Variants in MAST4 observed in about 807,000 individuals in gnomAD.
MAST4 encodes microtubule associated serine/threonine kinase family member 4.
In MAST4, 89 loss-of-function variants were observed where a neutral mutation model predicts 162.7. That is an observed-to-expected ratio of 0.55 (90% CI 0.46 to 0.65). The LOEUF (loss-of-function observed/expected upper bound fraction) is 0.65. Ranked by LOEUF, MAST4 falls within the 30% of genes least tolerant of loss-of-function variation. The probability of loss-of-function intolerance (pLI) is 0.00; values close to 1 mark genes in which losing one functional copy is unlikely to be tolerated. For missense variants in MAST4, 3,153 were observed against 3,374.0 expected, an observed-to-expected ratio of 0.93 and a Z score of 1.62; for synonymous variants, 1,479 against 1,361.1, an observed-to-expected ratio of 1.09 and a Z score of -1.91.
At chr5:66,727,355 G>A (rs1031686816) in intron 1 of MAST4, among the ~76,000 whole-genome samples, 10 of 152,094 alleles carry the variant, frequency 6.6e-5, no homozygotes, top group Non-Finnish European at 1.0e-4. Context: ...TCTGCAAAAT[G>A]ACTCTGCATT....
intron 1 of MAST4, among the ~76,000 whole-genome samples, chr5:66,696,132 A>T (rs1311608652): frequency 6.6e-6 from 1 of 152,148 alleles, no homozygotes; most frequent in Non-Finnish European, 1.5e-5. Flanking sequence ...GTTCTCACTT[A>T]TAAGTGGGAG....
At chr5:66,621,685 C>T (rs933668422) in intron 1 of MAST4, among the ~76,000 whole-genome samples, 2 of 152,160 alleles carry the variant, frequency 1.3e-5, no homozygotes, top group Admixed American at 6.5e-5. Context: ...CCTCCGTCTA[C>T]CCAACAAATA....
intron 1 of MAST4, among the ~76,000 whole-genome samples, chr5:66,707,548 T>A (rs975985888): frequency 6.6e-6 from 1 of 152,204 alleles, no homozygotes; most frequent in Non-Finnish European, 1.5e-5. Context: ...CAGTTTGTGG[T>A]TGGCTCTCTT....
rs80130521 is a variant in MAST4, at chr5:66,774,003, C to T, written c.517+14141C>T. ...GCATGTATTAAGTGACATACATGGA[C>T]ATTTATGTGTTTACATGTATGCATG... On this transcript the variant is annotated intron_variant, in intron 2 of 28. Transcript: ENST00000403625. 4.5e-3 allele frequency among the ~76,000 whole-genome samples: 688 copies of T among 152,304 alleles called. 6 individuals carry two copies. The highest frequency in any genetic ancestry group is 0.016 in the African/African-American group (671 of 41,562).
chr5:66,905,434 A>G (rs1395548079), intron 4 of MAST4, among the ~76,000 whole-genome samples: 1 of 152,196 alleles, frequency 6.6e-6, no homozygotes. Flanking sequence ...AGAGCATTCA[A>G]ATTATCCCAG....
intron 1 of MAST4, among the ~76,000 whole-genome samples, chr5:66,704,831 T>G (rs531368288): frequency 2.3e-4 from 35 of 152,276 alleles, no homozygotes; most frequent in Admixed American, 2.3e-3. Flanking sequence ...TCTTGCTCCT[T>G]CACTTTCCTC....
intron 4 of MAST4, among the ~76,000 whole-genome samples, chr5:67,049,084 A>G (rs887886433): frequency 1.0e-5 from 1 of 98,944 alleles, no homozygotes; most frequent in Non-Finnish European, 2.1e-5. Flanking sequence ...TATATACACT[A>G]CCATACCAAG....
intron 2 of MAST4, among the ~76,000 whole-genome samples, chr5:66,768,892 C>G (rs747726491): frequency 1.4e-4 from 22 of 151,800 alleles, no homozygotes; most frequent in Admixed American, 3.3e-4. Flanking sequence ...AATACATTTG[C>G]TTTAAAAAAA....
intron 1 of MAST4, among the ~76,000 whole-genome samples, chr5:66,645,699 T>C (rs1211653226): frequency 6.6e-6 from 1 of 152,214 alleles, no homozygotes; most frequent in East Asian, 1.9e-4. Context: ...AGTATTTGTT[T>C]AACAGCCCTT....
At chr5:66,930,785 A>G (rs1402852562) in intron 4 of MAST4, 1 of 470,686 alleles carries the variant, frequency 2.1e-6, no homozygotes, top group African/African-American at 2.0e-5. Context: ...GTGGATTGAG[A>G]GGAAATAAGA....
At chr5:66,662,404 A>G (rs1038319560) in intron 1 of MAST4, 4 of 152,178 alleles carry the variant, frequency 2.6e-5, no homozygotes, top group African/African-American at 4.8e-5. Context: ...CTGTCAAATC[A>G]TTTCATTTTA....
chr5:67,134,820 A>C (rs2151006690), intron 18 of MAST4, 132 bp downstream of exon 18: 4 of 714,026 alleles, frequency 5.6e-6, no homozygotes, highest in Non-Finnish European at 8.9e-6. Flanking sequence ...AAAAGAACTC[A>C]CTCATCAAAG....
At position 67,149,602 on chromosome 5, in the gene MAST4, T is replaced by C. The variant is rs762364344; in HGVS notation, c.3295+13T>C. On this transcript the variant is annotated intron_variant, in intron 24 of 28. Coordinates refer to ENST00000403625, the MANE Select transcript of MAST4 (RefSeq NM_001164664.2). ...ATGATCCCAGGAGGTAGAGAGATACTACTTGCATGAAATTGTGTGATTTGT... is the reference window on the plus strand; with the variant it reads ...ATGATCCCAGGAGGTAGAGAGATACCACTTGCATGAAATTGTGTGATTTGT... The C allele has an allele frequency of 6.2e-7, 1 of 1,611,358 alleles. No individual in the cohort carries two copies. The highest frequency in any genetic ancestry group is 1.1e-5 in the South Asian group (1 of 90,452).
intron 4 of MAST4, among the ~76,000 whole-genome samples, chr5:66,929,520 C>T (rs1363009392): frequency 6.6e-6 from 1 of 152,166 alleles, no homozygotes; most frequent in Non-Finnish European, 1.5e-5. Flanking sequence ...GTCAAATTGA[C>T]ACCTAAAATT....
At chr5:67,135,862 G>C (rs1252564255) in intron 18 of MAST4, among the ~76,000 whole-genome samples, 2 of 152,194 alleles carry the variant, frequency 1.3e-5, no homozygotes, top group African/African-American at 2.4e-5. Context: ...AATAACTCAT[G>C]TTTTTATTGC....
chr5:66,641,436 C>T (rs779665852), intron 1 of MAST4, among the ~76,000 whole-genome samples: 9 of 152,156 alleles, frequency 5.9e-5, no homozygotes, highest in African/African-American at 1.9e-4. Context: ...GGATTACAGG[C>T]GTGAGCCACC....
intron 4 of MAST4, among the ~76,000 whole-genome samples, chr5:67,018,837 TTTA>T (rs778706929): frequency 2.1e-4 from 32 of 152,218 alleles, no homozygotes; most frequent in Non-Finnish European, 4.1e-4. Flanking sequence ...TTCCACTATT[TTTA>T]TTATATTTTA....
intron 4 of MAST4, among the ~76,000 whole-genome samples, chr5:67,038,121 C>A (rs1015924597): frequency 5.3e-5 from 8 of 152,028 alleles, no homozygotes; most frequent in African/African-American, 1.9e-4. Context: ...TCAGAAAACA[C>A]CTTAACCTAT....
intron 1 of MAST4, among the ~76,000 whole-genome samples, chr5:66,624,369 G>C (rs1428252946): frequency 6.6e-6 from 1 of 151,778 alleles, no homozygotes; most frequent in Non-Finnish European, 1.5e-5. Context: ...TAGTCAGGAT[G>C]GTCTCAATCT....
Sources: allele counts gnomAD v4.1 joint callset (sites outside exome capture counted in the v4.1 genomes callset), GRCh38; gene constraint gnomAD v4.1.1; transcripts MANE v1.5; gene names NCBI Gene and HGNC (gene_info 2026-07-23, HGNC 2026-07-21).